CELF2: variants seen among roughly 807,000 people sequenced by gnomAD.
CELF2 encodes the protein CUGBP Elav-like family member 2.
CELF2 carries 8 observed loss-of-function variants against 62.6 expected under a neutral mutation model. That is an observed-to-expected ratio of 0.13 (90% CI 0.07 to 0.23). The LOEUF (loss-of-function observed/expected upper bound fraction) is 0.23. Ranked by LOEUF, CELF2 falls within the 10% of genes least tolerant of loss-of-function variation. CELF2 has a pLI of 1.00. For missense variants in CELF2, 333 were observed against 671.0 expected (o/e 0.50, Z 5.56); for synonymous variants, 258 against 250.0 (o/e 1.03, Z -0.30).
the CELF2 span, among the ~76,000 whole-genome samples, chr10:10,540,873 T>C: frequency 2.6e-5 from 4 of 152,138 alleles, no homozygotes; most frequent in Non-Finnish European, 5.9e-5. Flanking sequence ...TTCAGTATCC[T>C]GACTGTCAGC....
the CELF2 span, among the ~76,000 whole-genome samples, chr10:10,565,663 T>C: frequency 9.8e-5 from 15 of 152,350 alleles, no homozygotes; most frequent in East Asian, 2.7e-3. Context: ...AGACTTTGTG[T>C]GTGTTCCTTA....
the CELF2 span, among the ~76,000 whole-genome samples, chr10:10,527,625 A>G: frequency 6.6e-6 from 1 of 152,210 alleles, no homozygotes; most frequent in African/African-American, 2.4e-5. Flanking sequence ...TTACCTTATT[A>G]TAATATGGCC....
chr10:10,650,255 A>G, the CELF2 span, among the ~76,000 whole-genome samples: 1 of 152,230 alleles, frequency 6.6e-6, no homozygotes, highest in African/African-American at 2.4e-5. Flanking sequence ...TATCATGAGC[A>G]TTGACTTGGG....
the CELF2 span, among the ~76,000 whole-genome samples, chr10:10,614,542 G>A: frequency 3.3e-5 from 5 of 152,102 alleles, no homozygotes; most frequent in Non-Finnish European, 7.3e-5. Context: ...AGACCTGATC[G>A]TGAGTGATTC....
Position 11,328,488 on chromosome 10 carries a change from C to G in CELF2, c.1439-438C>G, listed in dbSNP as rs2095871154. ...TTCCCGAGCCTGCCTGTTGGCCTCA[C>G]CTGGCTGGGACACGTGAGCCCCTAG... is the stretch of plus-strand genomic sequence containing the variant. On this transcript the variant is annotated intron_variant, in intron 12 of 12. Coordinates refer to ENST00000633077, the MANE Select transcript of CELF2 (RefSeq NM_001326342.2). This position sits in a 1 kb window ranked among gnomAD's most constrained non-coding sequence, Gnocchi z 6.4. 6.6e-6 allele frequency among the ~76,000 whole-genome samples: 1 copy of G among 152,222 alleles called. No homozygotes were observed. The highest frequency in any genetic ancestry group is 1.5e-5 in the Non-Finnish European group (1 of 68,030).
At chr10:11,262,433 G>C (rs2080942967) in intron 5 of CELF2, among the ~76,000 whole-genome samples, 1 of 152,156 alleles carries the variant, frequency 6.6e-6, no homozygotes, top group African/African-American at 2.4e-5. Context: ...TTTCAGCTCT[G>C]CCCACACAGT....
the CELF2 span, among the ~76,000 whole-genome samples, chr10:10,476,907 T>C: frequency 6.6e-6 from 1 of 152,198 alleles, no homozygotes; most frequent in Non-Finnish European, 1.5e-5. Context: ...AATGGTTCAT[T>C]TGGTGACTAA....
intron 1 of CELF2, among the ~76,000 whole-genome samples, chr10:10,851,551 A>T (rs930505762): frequency 1.3e-5 from 2 of 152,234 alleles, no homozygotes; most frequent in Non-Finnish European, 2.9e-5. Context: ...TTAGATATGA[A>T]GCTAATACTG....
At chr10:10,768,328 G>A in the CELF2 span, among the ~76,000 whole-genome samples, 29 of 152,150 alleles carry the variant, frequency 1.9e-4, no homozygotes, top group Middle Eastern at 3.4e-3. Flanking sequence ...CCCTGCATGG[G>A]ATTAGTGGTA....
chr10:10,883,387 C>T (rs1311107412), intron 1 of CELF2, among the ~76,000 whole-genome samples: 1 of 152,120 alleles, frequency 6.6e-6, no homozygotes, highest in African/African-American at 2.4e-5. Context: ...AATTTTCTAT[C>T]CTGTATAAGG....
At chr10:10,747,864 G>A in the CELF2 span, among the ~76,000 whole-genome samples, 41 of 152,116 alleles carry the variant, frequency 2.7e-4, no homozygotes, top group Middle Eastern at 3.2e-3. Context: ...GTGCCACCAC[G>A]CCTGGCTAAT....
chr10:11,276,484 A>T (rs1397597071), intron 8 of CELF2, among the ~76,000 whole-genome samples: 1 of 152,220 alleles, frequency 6.6e-6, no homozygotes, highest in Non-Finnish European at 1.5e-5. Flanking sequence ...ATTTATTTTT[A>T]ATTCTATGAA....
chr10:10,638,782 G>T, the CELF2 span, among the ~76,000 whole-genome samples: 3 of 152,164 alleles, frequency 2.0e-5, no homozygotes, highest in African/African-American at 7.2e-5. Flanking sequence ...TAGACCAAAT[G>T]TATTCACCAA....
chr10:10,945,159 C>T (rs1471412157), intron 2 of CELF2, among the ~76,000 whole-genome samples: 1 of 152,110 alleles, frequency 6.6e-6, no homozygotes. Flanking sequence ...CGGATGGGAG[C>T]CGTAGGTGCT....
At chr10:11,099,082 G>A (rs886551659) in intron 1 of CELF2, among the ~76,000 whole-genome samples, 9 of 152,172 alleles carry the variant, frequency 5.9e-5, no homozygotes, top group African/African-American at 7.2e-5. Context: ...CCCACACAGC[G>A]TCCCATCTTT....
chr10:10,692,058 G>A, the CELF2 span, among the ~76,000 whole-genome samples: 1 of 150,790 alleles, frequency 6.6e-6, no homozygotes, highest in African/African-American at 2.4e-5. Context: ...ATTGCTTTTG[G>A]TGTTTTAGAC....
chr10:10,549,053 C>T, the CELF2 span, among the ~76,000 whole-genome samples: 19,087 of 152,090 alleles, frequency 0.13, 1,596 homozygotes, highest in East Asian at 0.3. Context: ...TTTTTCTTGC[C>T]GACTCTGTGA....
At chr10:10,826,902 G>A (rs2057435117) in intron 1 of CELF2, among the ~76,000 whole-genome samples, 1 of 152,168 alleles carries the variant, frequency 6.6e-6, no homozygotes, top group Non-Finnish European at 1.5e-5. Flanking sequence ...AGATGTGGAT[G>A]TCTTAATGTA....
intron 1 of CELF2, among the ~76,000 whole-genome samples, chr10:11,132,961 A>G (rs1175960030): frequency 6.6e-6 from 1 of 152,224 alleles, no homozygotes; most frequent in Non-Finnish European, 1.5e-5. Context: ...ATCAGAAGCT[A>G]CACTAATATG....
Sources: allele counts gnomAD v4.1 joint callset (sites outside exome capture counted in the v4.1 genomes callset), GRCh38; gene constraint gnomAD v4.1.1; non-coding constraint Gnocchi (gnomAD v3.1); transcripts MANE v1.5; gene names NCBI Gene and HGNC (gene_info 2026-07-23, HGNC 2026-07-21).